DYM: variants seen among roughly 807,000 people sequenced by gnomAD.
DYM encodes dymeclin, also known as dyggve-Melchior-Clausen syndrome protein.
Under a neutral mutation model 93.1 loss-of-function variants are expected in DYM, and 78 were observed. That is an observed-to-expected ratio of 0.84 (90% CI 0.70 to 1.01). DYM has a LOEUF of 1.01. DYM is among the 50% of genes least tolerant of loss of function. The pLI is 0.00. For missense variants in DYM, 789 were observed against 845.0 expected (o/e 0.93, Z 0.82); for synonymous variants, 321 against 319.7 (o/e 1.00, Z -0.04).
At chr18:49,235,130 C>T (rs1294861671) in intron 13 of DYM, among the ~76,000 whole-genome samples, 3 of 152,212 alleles carry the variant, frequency 2.0e-5, no homozygotes, top group Non-Finnish European at 4.4e-5. Context: ...AGTCAGATTT[C>T]TGATCTACAG....
intron 8 of DYM, among the ~76,000 whole-genome samples, chr18:49,292,334 AGG>A (rs1491497901): frequency 2.5e-4 from 29 of 114,022 alleles, no homozygotes; most frequent in Admixed American, 3.7e-4. Flanking sequence ...GCAGGCAGGC[AGG>A]CAGACAGACA....
At chr18:49,301,424 G>C (rs940893767) in intron 8 of DYM, among the ~76,000 whole-genome samples, 2 of 151,328 alleles carry the variant, frequency 1.3e-5, no homozygotes, top group Non-Finnish European at 2.9e-5. Context: ...GGGAGGCTGA[G>C]ACAGGAGAAT....
Position 49,452,753 on chromosome 18 carries a change from C to T in DYM, c.-54+7645G>A, listed in dbSNP as rs578110923. 1.5e-4 allele frequency among the ~76,000 whole-genome samples: 16 copies of T among 108,502 alleles called. 3 individuals carry two copies. The highest frequency in any genetic ancestry group is 7.9e-4 in the Admixed American group (9 of 11,382). The allele number at this position is 108,502 out of a possible 152,430, so 71.2% of individuals were successfully genotyped here. A position where few individuals can be genotyped will look rare whatever the true frequency, so the allele number is the denominator to read the frequency against. On this transcript the variant is annotated intron_variant, in intron 1 of 17. Transcript: ENST00000675505. ...GGCTGAGGAGTGCAGGCGCACAGCG[C>T]GGGACTGGCAGGCAGCTCTGCCTGC... is the stretch of plus-strand genomic sequence containing the variant.
chr18:49,460,076 A>T (rs1289275437), intron 1 of DYM, among the ~76,000 whole-genome samples: 4 of 152,244 alleles, frequency 2.6e-5, no homozygotes, highest in African/African-American at 9.6e-5. Flanking sequence ...AAGAAGAAAG[A>T]AAAACCCAAC....
intron 17 of DYM, among the ~76,000 whole-genome samples, chr18:49,046,482 G>A (rs1204599613): frequency 6.8e-6 from 1 of 146,512 alleles, no homozygotes; most frequent in African/African-American, 2.6e-5. Flanking sequence ...CACACACACA[G>A]ACACACACAC....
chr18:49,190,929 A>G (rs1463304961), intron 14 of DYM, among the ~76,000 whole-genome samples: 1 of 152,030 alleles, frequency 6.6e-6, no homozygotes, highest in East Asian at 1.9e-4. Flanking sequence ...TATATAAAAC[A>G]TAAAACATAC....
intron 3 of DYM, among the ~76,000 whole-genome samples, chr18:49,380,646 T>C (rs1192279190): frequency 6.6e-6 from 1 of 152,204 alleles, no homozygotes; most frequent in Non-Finnish European, 1.5e-5. Context: ...AAATTGGACT[T>C]AAGGAAACTA....
chr18:49,074,928 A>G (rs890788206), intron 17 of DYM, among the ~76,000 whole-genome samples: 1 of 152,218 alleles, frequency 6.6e-6, no homozygotes, highest in African/African-American at 2.4e-5. Flanking sequence ...AGAAGGCTTA[A>G]AAGTTCACTA....
chr18:49,431,171 T>C (rs760923507), intron 1 of DYM, among the ~76,000 whole-genome samples: 1 of 152,224 alleles, frequency 6.6e-6, no homozygotes, highest in Non-Finnish European at 1.5e-5. Context: ...CTTCTACTTA[T>C]GGGGGTCATA....
intron 17 of DYM, among the ~76,000 whole-genome samples, chr18:49,051,174 T>A (rs531031672): frequency 6.6e-6 from 1 of 152,312 alleles, no homozygotes; most frequent in Non-Finnish European, 1.5e-5. Flanking sequence ...TAGGTTTTCA[T>A]GTCTTTCAAG....
At chr18:49,321,283 G>T in intron 8 of DYM, 1 of 397,848 alleles carries the variant, frequency 2.5e-6, no homozygotes, top group South Asian at 1.3e-4. Context: ...ATCTGCAATT[G>T]ATTGCTTTAT....
intron 8 of DYM, among the ~76,000 whole-genome samples, chr18:49,319,455 G>C (rs2062296958): frequency 6.6e-6 from 1 of 152,076 alleles, no homozygotes; most frequent in Admixed American, 6.5e-5. Flanking sequence ...AAGGCTAAAG[G>C]ACCATGAAAC....
At chr18:49,202,891 G>A (rs369763698) in intron 14 of DYM, among the ~76,000 whole-genome samples, 8,787 of 127,846 alleles carry the variant, frequency 0.069, 541 homozygotes, top group East Asian at 0.29. Context: ...CACCCCGTCC[G>A]GGAGGGAGGT....
Position 49,430,323 on chromosome 18 carries a change from T to A in DYM, c.72A>T (p.Glu24Asp). The A allele has an allele frequency of 6.2e-7, 1 of 1,614,086 alleles. No individual in the cohort carries two copies. The highest frequency in any genetic ancestry group is 8.5e-7 in the Non-Finnish European group (1 of 1,180,002). The change falls in exon 2 of 18, where the codon GAA becomes GAT. Residue 24 changes from glutamate (E) to aspartate (D), a missense_variant. Physicochemically the swap from Glu to Asp is conservative, Grantham distance 45. This residue lies in a region of DYM where 450 missense variants were observed against 436.2 expected (regional missense o/e 1.03). Transcript: ENST00000675505. Reference protein sequence around the residue: ...NEYLKKLSGTESISENDPFWN... With the variant: ...NEYLKKLSGTDSISENDPFWN... ...AGAACGGGTCATTCTCAGAGATAGA[T>A]TCCGTGCCTGATAACTTTTTCAAGT...
chr18:49,109,444 C>A (rs534393201), intron 16 of DYM, among the ~76,000 whole-genome samples: 1 of 152,278 alleles, frequency 6.6e-6, no homozygotes, highest in African/African-American at 2.4e-5. Context: ...TTAATTATCA[C>A]AGTCTATCTT....
intron 1 of DYM, among the ~76,000 whole-genome samples, chr18:49,432,599 A>T (rs868559116): frequency 3.1e-4 from 40 of 129,566 alleles, no homozygotes; most frequent in East Asian, 1.4e-3. Flanking sequence ...CAGCATTAAA[A>T]TTTTTTTTTT....
chr18:49,302,400 AC>A (rs1287681755), intron 8 of DYM, among the ~76,000 whole-genome samples: 2 of 152,260 alleles, frequency 1.3e-5, no homozygotes, highest in African/African-American at 4.8e-5. Flanking sequence ...CTGTGAAAAC[AC>A]AATTTTAAAA....
intron 15 of DYM, among the ~76,000 whole-genome samples, chr18:49,143,549 T>C (rs1198163610): frequency 1.3e-5 from 2 of 152,138 alleles, no homozygotes; most frequent in Admixed American, 1.3e-4. Context: ...ATTTAACTGT[T>C]GAGAAAACCA....
At chr18:49,074,603 C>T (rs896965497) in intron 17 of DYM, among the ~76,000 whole-genome samples, 4 of 152,086 alleles carry the variant, frequency 2.6e-5, no homozygotes, top group East Asian at 3.9e-4. Context: ...TGATTCAAAA[C>T]TAGGGCTCAT....
Sources: allele counts gnomAD v4.1 joint callset (sites outside exome capture counted in the v4.1 genomes callset), GRCh38; gene constraint gnomAD v4.1.1; regional missense constraint gnomAD v4.1.1; transcripts MANE v1.5; gene names NCBI Gene and HGNC (gene_info 2026-07-23, HGNC 2026-07-21).